Variants in CSGALNACT1 observed in about 807,000 individuals in gnomAD.
CSGALNACT1 encodes the protein beta4GalNAcT-1.
In CSGALNACT1, 52 loss-of-function variants were observed where a neutral mutation model predicts 51.0. That is an observed-to-expected ratio of 1.02 (90% CI 0.82 to 1.29). The LOEUF is 1.29. Among genes scored for constraint, CSGALNACT1 ranks in the 50% most tolerant of loss-of-function variants. CSGALNACT1 has a pLI of 0.00. For synonymous variants in CSGALNACT1, 341 were observed against 254.4 expected (o/e 1.34, Z -3.24); for missense variants, 935 against 679.2 (o/e 1.38, Z -4.19).
rs183934174 is a variant in CSGALNACT1, at chr8:19,732,608, T to A, written c.-297+25242A>T. 5 of 152,172 alleles carry A rather than the reference T, an allele frequency of 3.3e-5. No individual in the cohort carries two copies. The East Asian group carries it at 9.6e-4, about 29-fold the overall frequency. 9.4% of individuals were successfully genotyped at this position (152,172 alleles called of 1,614,324 possible). A position where few individuals can be genotyped will look rare whatever the true frequency, so the allele number is the denominator to read the frequency against. ...GCTCGATGAGTATGTGTTAAAAAAA[T>A]AAACAGGAAAACAGCATCAAGGTTT... is the stretch of plus-strand genomic sequence containing the variant. On this transcript the variant is annotated intron_variant, in intron 1 of 1. Transcript: ENST00000517494.
chr8:19,566,622 T>C (rs1376555009), intron 3 of CSGALNACT1, among the ~76,000 whole-genome samples: 3 of 152,206 alleles, frequency 2.0e-5, no homozygotes, highest in Admixed American at 6.5e-5. Context: ...TAAATAAGTA[T>C]AATTAAATAT....
intron 1 of CSGALNACT1, among the ~76,000 whole-genome samples, chr8:19,636,676 C>T (rs1181143676): frequency 6.6e-5 from 10 of 152,190 alleles, no homozygotes. Context: ...GTCGGTAGTG[C>T]TGTCCCCAAA....
chr8:19,461,623 G>A (rs2065427806), intron 4 of CSGALNACT1, among the ~76,000 whole-genome samples: 1 of 136,514 alleles, frequency 7.3e-6, no homozygotes, highest in Non-Finnish European at 1.6e-5. Context: ...CACCATGGGG[G>A]GCGTATCCGC....
chr8:19,505,482 G>A, exon 4 of CSGALNACT1: 2 of 1,614,142 alleles, frequency 1.2e-6, no homozygotes, highest in Non-Finnish European at 1.7e-6. Flanking sequence ...CAGGAGGTCG[G>A]CCTGGGTTTT....
chr8:19,658,421 C>T (rs1204374710), intron 1 of CSGALNACT1, among the ~76,000 whole-genome samples: 1 of 152,124 alleles, frequency 6.6e-6, no homozygotes, highest in Non-Finnish European at 1.5e-5. Context: ...TAAGAAAAGT[C>T]AAAGAGAGGA....
chr8:19,621,462 T>G (rs145487198), intron 1 of CSGALNACT1, among the ~76,000 whole-genome samples: 4 of 152,272 alleles, frequency 2.6e-5, no homozygotes, highest in Non-Finnish European at 5.9e-5. Context: ...GAATACTTGT[T>G]GATATTTTCT....
At chr8:19,416,167 TG>T (rs1325599188) in intron 8 of CSGALNACT1, among the ~76,000 whole-genome samples, 2 of 141,104 alleles carry the variant, frequency 1.4e-5, no homozygotes, top group East Asian at 4.4e-4. Context: ...CAGGCTGGAG[TG>T]CAGTGGCACG....
chr8:19,431,212 T>A (rs771942732), intron 6 of CSGALNACT1, among the ~76,000 whole-genome samples: 20 of 152,122 alleles, frequency 1.3e-4, no homozygotes, highest in Non-Finnish European at 7.4e-5. Context: ...CAATATTGAA[T>A]AGTGAAAGCA....
chr8:19,537,435 C>T (rs1356641691), intron 3 of CSGALNACT1, among the ~76,000 whole-genome samples: 1 of 152,196 alleles, frequency 6.6e-6, no homozygotes, highest in African/African-American at 2.4e-5. Flanking sequence ...CTTGAAGAGG[C>T]ATAAATCTCA....
chr8:19,461,374 G>A (rs373777791), intron 4 of CSGALNACT1, among the ~76,000 whole-genome samples: 49 of 151,502 alleles, frequency 3.2e-4, no homozygotes, highest in African/African-American at 1.2e-3. Flanking sequence ...CCCAAATGAG[G>A]TGGGGCTGAG....
chr8:19,442,575 T>C (rs1234921090), intron 5 of CSGALNACT1, among the ~76,000 whole-genome samples: 1 of 91,128 alleles, frequency 1.1e-5, no homozygotes, highest in Non-Finnish European at 2.2e-5. Flanking sequence ...TGTTGTGGCG[T>C]TGGGGGAGGG....
chr8:19,537,769 G>GT (rs1171463846), intron 3 of CSGALNACT1, among the ~76,000 whole-genome samples: 2 of 152,168 alleles, frequency 1.3e-5, no homozygotes, highest in African/African-American at 2.4e-5. Context: ...AGAGTTAAAT[G>GT]TAAGAGATTA....
chr8:19,669,025 A>G (rs2059591138), intron 1 of CSGALNACT1, among the ~76,000 whole-genome samples: 1 of 152,250 alleles, frequency 6.6e-6, no homozygotes, highest in Non-Finnish European at 1.5e-5. Flanking sequence ...TTACAGATGA[A>G]TATTTACAGG....
At chr8:19,438,923 C>T (rs1354613905) in intron 6 of CSGALNACT1, among the ~76,000 whole-genome samples, 1 of 152,204 alleles carries the variant, frequency 6.6e-6, no homozygotes, top group Non-Finnish European at 1.5e-5. Context: ...ATCCTATTAC[C>T]ATTTACCAGA....
intron 6 of CSGALNACT1, among the ~76,000 whole-genome samples, chr8:19,430,827 T>C (rs1336974638): frequency 1.3e-5 from 2 of 152,178 alleles, no homozygotes; most frequent in Admixed American, 6.5e-5. Context: ...TGGGATGTCT[T>C]TCCATTTATT....
chr8:19,547,018 C>T (rs2086632591), intron 3 of CSGALNACT1, among the ~76,000 whole-genome samples: 1 of 152,308 alleles, frequency 6.6e-6, no homozygotes, highest in South Asian at 2.1e-4. Flanking sequence ...TTTCCAGAAA[C>T]ACCGTCTGAG....
intron 3 of CSGALNACT1, among the ~76,000 whole-genome samples, chr8:19,582,169 C>T (rs373913296): frequency 3.3e-5 from 5 of 152,298 alleles, no homozygotes; most frequent in South Asian, 4.1e-4. Flanking sequence ...TATAACTAGG[C>T]ACTGCAAGTG....
intron 4 of CSGALNACT1, among the ~76,000 whole-genome samples, chr8:19,474,680 C>G (rs1046651099): frequency 6.6e-6 from 1 of 151,768 alleles, no homozygotes; most frequent in African/African-American, 2.4e-5. Flanking sequence ...ACCAGCCTAA[C>G]CAACATGGCA....
chr8:19,410,743 G>A (rs948541837), intron 8 of CSGALNACT1, among the ~76,000 whole-genome samples: 1 of 152,168 alleles, frequency 6.6e-6, no homozygotes, highest in Non-Finnish European at 1.5e-5. Context: ...ATTTATTAAA[G>A]TCAGTTTGGA....
Sources: allele counts gnomAD v4.1 joint callset (sites outside exome capture counted in the v4.1 genomes callset), GRCh38; gene constraint gnomAD v4.1.1; transcripts MANE v1.5; gene names NCBI Gene and HGNC (gene_info 2026-07-23, HGNC 2026-07-21).